Variants in RYR2 observed in about 807,000 individuals in gnomAD.
The protein encoded by RYR2 is cardiac muscle ryanodine receptor-calcium release channel.
Under a neutral mutation model 601.1 loss-of-function variants are expected in RYR2, and 227 were observed. The ratio of observed to expected loss-of-function variants is 0.38; its 90% CI spans 0.34 to 0.42. The LOEUF (loss-of-function observed/expected upper bound fraction) is 0.42. Ranked by LOEUF, RYR2 falls within the 10% of genes least tolerant of loss-of-function variation. The probability of loss-of-function intolerance (pLI) is 1.00; values close to 1 mark genes in which losing one functional copy is unlikely to be tolerated. For synonymous variants in RYR2, 2,223 were observed against 2,175.1 expected, an observed-to-expected ratio of 1.02 and a Z score of -0.61; for missense variants, 4,646 against 6,156.5, an observed-to-expected ratio of 0.75 and a Z score of 8.21.
intron 2 of RYR2, among the ~76,000 whole-genome samples, chr1:237,297,419 C>T (rs777365447): frequency 8.6e-5 from 13 of 152,044 alleles, no homozygotes; most frequent in Non-Finnish European, 1.8e-4. Context: ...TCATCGTCTG[C>T]CATTTTTGTA....
At chr1:237,371,443 C>T (rs916764069) in intron 6 of RYR2, among the ~76,000 whole-genome samples, 1 of 152,198 alleles carries the variant, frequency 6.6e-6, no homozygotes, top group African/African-American at 2.4e-5. Flanking sequence ...AGGCATGAGC[C>T]ACCATGCCCG....
intron 1 of RYR2, among the ~76,000 whole-genome samples, chr1:237,123,515 A>G (rs1671044128): frequency 6.6e-6 from 1 of 152,112 alleles, no homozygotes; most frequent in East Asian, 1.9e-4. Flanking sequence ...TGAGCCTAGG[A>G]GTTCAAGGTT....
intron 46 of RYR2, 135 bp downstream of exon 46, chr1:237,639,336 T>C: frequency 1.1e-6 from 1 of 881,400 alleles, no homozygotes; most frequent in Non-Finnish European, 1.6e-6. Flanking sequence ...ATATAATGTC[T>C]TAGATTTGGA....
At chr1:237,071,229 G>T (rs1054183713) in intron 1 of RYR2, among the ~76,000 whole-genome samples, 26 of 145,458 alleles carry the variant, frequency 1.8e-4, no homozygotes, top group Non-Finnish European at 3.1e-5. Flanking sequence ...TTTGATTTTT[G>T]TTTTTTTTTT....
At chr1:237,091,428 TG>T (rs759781231) in intron 1 of RYR2, among the ~76,000 whole-genome samples, 8 of 123,444 alleles carry the variant, frequency 6.5e-5, no homozygotes, top group African/African-American at 1.0e-4. Context: ...TTCTTTTTTT[TG>T]GGGGGGGCGG....
chr1:237,702,654 C>T (rs954565551), intron 66 of RYR2, among the ~76,000 whole-genome samples: 1 of 151,934 alleles, frequency 6.6e-6, no homozygotes, highest in Non-Finnish European at 1.5e-5. Context: ...CAAAATTAAC[C>T]TGTAATTACA....
chr1:237,146,586 G>A (rs1418912172), intron 1 of RYR2, among the ~76,000 whole-genome samples: 1 of 152,114 alleles, frequency 6.6e-6, no homozygotes, highest in Non-Finnish European at 1.5e-5. Context: ...TTCTTGACTA[G>A]TTCAATTGTG....
chr1:237,786,100 A>G (rs368042126), intron 91 of RYR2, 64 bp downstream of exon 91: 15 of 1,037,592 alleles, frequency 1.4e-5, no homozygotes, highest in Non-Finnish European at 2.0e-5. Flanking sequence ...TTTTTCTTGT[A>G]CTCTGTCTTT....
chr1:237,667,807 A>G, intron 57 of RYR2, 76 bp from the exon 58 acceptor site: 1 of 1,044,816 alleles, frequency 9.6e-7, no homozygotes, highest in Non-Finnish European at 1.4e-6. Context: ...CCTTTACGGT[A>G]TCTAATATTA....
rs367955926 is a variant in RYR2, at chr1:237,610,727, T to C, written c.4684-35T>C. ...ACTTTGTGAACCCCAAGGGATGTTC[T>C]ACATTTATTCTTTTTCTGCCTCCCC... On this transcript the variant is annotated intron_variant, in intron 35 of 104. Coordinates refer to ENST00000366574, the MANE Select transcript of RYR2 (RefSeq NM_001035.3). The surrounding 1 kb of genome is among the most constrained non-coding windows in gnomAD (Gnocchi z 4.9). 21 of 1,518,832 alleles carry C rather than the reference T, an allele frequency of 1.4e-5. No homozygotes were observed. The African/African-American group carries it at 2.2e-4, about 16-fold the overall frequency. 94.1% of individuals were successfully genotyped at this position (1,518,832 alleles called of 1,614,324 possible).
At position 237,413,899 on chromosome 1, in the gene RYR2, CTTG is replaced by C. The variant is rs201140102; in HGVS notation, c.774-3147_774-3145del. On this transcript the variant is annotated intron_variant, in intron 10 of 104. Transcript: ENST00000366574. ...TCAAAGTTTACCTGTGAATCATAGA[CTTG>C]TTAAGAAGTGCTTTTCTCTTCATTA... Among the ~76,000 whole-genome samples the C allele has an allele frequency of 8.4e-3, 1,282 of 152,200 alleles. 27 individuals carry two copies. Among genetic ancestry groups the C allele is most frequent in the African/African-American group, 0.03 (1,231 of 41,546 alleles).
intron 4 of RYR2, among the ~76,000 whole-genome samples, chr1:237,356,446 T>C (rs1280091343): frequency 2.7e-5 from 4 of 150,124 alleles, no homozygotes; most frequent in African/African-American, 9.9e-5. Flanking sequence ...TTTTTTTTGG[T>C]ATAGATGGAG....
At chr1:237,096,053 A>C (rs1443843084) in intron 1 of RYR2, among the ~76,000 whole-genome samples, 2 of 152,214 alleles carry the variant, frequency 1.3e-5, no homozygotes, top group Non-Finnish European at 2.9e-5. Flanking sequence ...TCACGGGAAA[A>C]TGATGAAGGT....
chr1:237,117,204 T>C (rs988091290), intron 1 of RYR2, among the ~76,000 whole-genome samples: 4 of 152,086 alleles, frequency 2.6e-5, no homozygotes, highest in Non-Finnish European at 4.4e-5. Context: ...AGAAACTTAC[T>C]TGAAAATTTT....
intron 10 of RYR2, among the ~76,000 whole-genome samples, chr1:237,405,237 G>C (rs868256762): frequency 3.9e-5 from 6 of 152,202 alleles, no homozygotes; most frequent in Admixed American, 3.9e-4. Flanking sequence ...GGAGCATCTA[G>C]CAAAGGATGC....
At chr1:237,772,798 G>C (rs1438310321) in intron 86 of RYR2, among the ~76,000 whole-genome samples, 1 of 151,900 alleles carries the variant, frequency 6.6e-6, no homozygotes, top group Non-Finnish European at 1.5e-5. Flanking sequence ...AATGTGGTGG[G>C]GGAAGGTGCA....
chr1:237,285,118 T>C (rs1292216695), intron 2 of RYR2, among the ~76,000 whole-genome samples: 1 of 152,154 alleles, frequency 6.6e-6, no homozygotes, highest in African/African-American at 2.4e-5. Context: ...AGTTCTCAGA[T>C]GGAATGCTTT....
At chr1:237,575,913 T>A (rs1456811600) in intron 29 of RYR2, among the ~76,000 whole-genome samples, 1 of 152,124 alleles carries the variant, frequency 6.6e-6, no homozygotes, top group East Asian at 1.9e-4. Context: ...TACACATTAC[T>A]AGGAACAATT....
At chr1:237,352,817 A>C (rs749654395) in intron 3 of RYR2, 14 of 506,900 alleles carry the variant, frequency 2.8e-5, no homozygotes, top group Non-Finnish European at 5.1e-5. Context: ...TGCAGTGCTA[A>C]TGGGGAAAAG....
Sources: allele counts gnomAD v4.1 joint callset (sites outside exome capture counted in the v4.1 genomes callset), GRCh38; gene constraint gnomAD v4.1.1; non-coding constraint Gnocchi (gnomAD v3.1); transcripts MANE v1.5; gene names NCBI Gene and HGNC (gene_info 2026-07-23, HGNC 2026-07-21).